The following CHD2 variants were observed in gnomAD, a reference collection of about 807,000 sequenced individuals.
CHD2 encodes ATP-dependent chromatin remodeler CHD2.
A neutral mutation model predicts 243.9 loss-of-function variants in CHD2; 28 were observed. That is an observed-to-expected ratio of 0.11 (90% CI 0.09 to 0.16). The LOEUF (loss-of-function observed/expected upper bound fraction) is 0.16, where lower values mean the gene tolerates loss of function less well. Among genes scored for constraint, CHD2 ranks in the 10% least tolerant of loss-of-function variants. The pLI, the probability that CHD2 is intolerant of heterozygous loss-of-function variation, is 1.00. For synonymous variants in CHD2, 775 were observed against 779.0 expected (o/e 0.99, Z 0.09); for missense variants, 1,386 against 2,209.8 (o/e 0.63, Z 7.47).
At chr15:92,916,701 G>A (rs1361371007) in intron 2 of CHD2, among the ~76,000 whole-genome samples, 1 of 152,044 alleles carries the variant, frequency 6.6e-6, no homozygotes, top group African/African-American at 2.4e-5. Flanking sequence ...CTACAGGCGC[G>A]TGCCACCACG....
intron 12 of CHD2, among the ~76,000 whole-genome samples, chr15:92,948,207 A>G (rs2053501395): frequency 6.6e-6 from 1 of 152,158 alleles, no homozygotes; most frequent in Non-Finnish European, 1.5e-5. Context: ...TCACGCAATT[A>G]AAGGGTTTAA....
At position 93,024,490 on chromosome 15, in the gene CHD2, C is replaced by T; in HGVS notation, c.5272C>T (p.Pro1758Ser). The stretch of plus-strand genomic sequence containing the variant: ...CGCTATGGGCTACCATGGCCAGGGA[C>T]CCTCAGACCATTACCGCTCTTTCCA... ...RPAMGYHGQG[P>S]SDHYRSFHTD... Residue 1758 changes from proline to serine, a missense_variant, in exon 39 of 39, where the codon CCC becomes TCC. Transcript: ENST00000394196. The T allele has an allele frequency of 6.2e-7, 1 of 1,614,172 alleles. No homozygotes were observed. The highest frequency in any genetic ancestry group is 8.5e-7 in the Non-Finnish European group (1 of 1,180,038).
chr15:93,019,523 C>T (rs1390919945), intron 37 of CHD2, among the ~76,000 whole-genome samples: 1 of 152,158 alleles, frequency 6.6e-6, no homozygotes, highest in Non-Finnish European at 1.5e-5. Context: ...AATTTAATGT[C>T]TGTTTGTAAC....
chr15:92,981,563 T>C, intron 24 of CHD2, 106 bp downstream of exon 24: 1 of 789,456 alleles, frequency 1.3e-6, no homozygotes, highest in Non-Finnish European at 2.1e-6. Context: ...TCTCTTTACC[T>C]GAATTGAGTC....
intron 2 of CHD2, among the ~76,000 whole-genome samples, chr15:92,912,169 G>A (rs554601103): frequency 2.3e-4 from 35 of 152,274 alleles, no homozygotes; most frequent in African/African-American, 7.7e-4. Flanking sequence ...TCGAAACTTA[G>A]TTCCCAGACA....
At chr15:92,955,824 G>A (rs1033759875) in intron 15 of CHD2, among the ~76,000 whole-genome samples, 2 of 152,196 alleles carry the variant, frequency 1.3e-5, no homozygotes, top group Non-Finnish European at 2.9e-5. Context: ...AAAGGGTATT[G>A]AATAGGTCAG....
intron 5 of CHD2, among the ~76,000 whole-genome samples, chr15:92,934,943 A>G (rs1383701654): frequency 6.6e-6 from 1 of 152,102 alleles, no homozygotes; most frequent in Non-Finnish European, 1.5e-5. Context: ...GATATGGCCA[A>G]GCAACTCATT....
intron 2 of CHD2, chr15:92,921,563 C>T (rs1285778304): frequency 6.6e-6 from 1 of 152,134 alleles, no homozygotes; most frequent in Non-Finnish European, 1.5e-5. Flanking sequence ...ACCTGTCTGT[C>T]CATGAACAAA....
intron 25 of CHD2, among the ~76,000 whole-genome samples, 169 bp downstream of exon 25, chr15:92,984,669 G>GC (rs1282344825): frequency 1.3e-5 from 2 of 152,232 alleles, no homozygotes; most frequent in Non-Finnish European, 2.9e-5. Context: ...AATCTGCAGA[G>GC]CTCCTGAGCA....
At chr15:92,914,177 G>A (rs1297296116) in intron 2 of CHD2, among the ~76,000 whole-genome samples, 2 of 152,220 alleles carry the variant, frequency 1.3e-5, no homozygotes, top group Non-Finnish European at 2.9e-5. Context: ...TCTGTCCTTA[G>A]GGCTTTAATG....
intron 25 of CHD2, among the ~76,000 whole-genome samples, chr15:92,985,158 T>C (rs1307224868): frequency 2.6e-5 from 4 of 152,200 alleles, no homozygotes; most frequent in African/African-American, 9.7e-5. Context: ...ATAGGTACTA[T>C]TGTCTTCATT....
At chr15:92,991,441 G>T (rs749862600) in intron 26 of CHD2, 35 bp from the exon 27 acceptor site, 1 of 1,522,862 alleles carries the variant, frequency 6.6e-7, no homozygotes, top group Non-Finnish European at 9.0e-7. Flanking sequence ...GTAAGTCTCT[G>T]TTTTTTTAAT....
chr15:92,921,040 GGGCA>G (rs2052945582), intron 2 of CHD2, among the ~76,000 whole-genome samples: 1 of 151,954 alleles, frequency 6.6e-6, no homozygotes, highest in Non-Finnish European at 1.5e-5. Flanking sequence ...AGAGCCAGCA[GGGCA>G]TGGTAATTGA....
chr15:92,987,812 G>T (rs2054063965), intron 26 of CHD2, among the ~76,000 whole-genome samples: 1 of 148,006 alleles, frequency 6.8e-6, no homozygotes. Context: ...TTTCCTTTGT[G>T]TTAAATATAT....
intron 2 of CHD2, among the ~76,000 whole-genome samples, chr15:92,904,207 C>G (rs1042826149): frequency 2.6e-5 from 4 of 152,230 alleles, no homozygotes; most frequent in African/African-American, 7.2e-5. Context: ...ATGGCTGTTC[C>G]TTTGTGCCGC....
rs1034535662 is a variant in CHD2 at position 92,946,087 on chromosome 15, A to G, written c.1248A>G (p.Lys416=). 6.8e-5 allele frequency: 110 copies of G among 1,610,944 alleles called. No homozygotes were observed. Among genetic ancestry groups the G allele is most frequent in the Non-Finnish European group, 9.2e-5 (108 of 1,178,182 alleles). Residue 416 remains lysine (K), a synonymous_variant, in exon 12 of 39, where the codon AAA becomes AAG. Coordinates refer to ENST00000394196, the MANE Select transcript of CHD2 (RefSeq NM_001271.4). ...APSNEPEYLC[K]WMGLPYSECS... ...CAAATGAGCCCGAATATCTATGTAA[A>G]TGGATGGGACTCCCCTATTCAGAGT...
At position 92,901,358 on chromosome 15, in the gene CHD2, T is replaced by G. The variant is rs2052526670; in HGVS notation, c.62+59T>G. 3 of 962,710 alleles carry G rather than the reference T, an allele frequency of 3.1e-6. No homozygotes were observed. In the Admixed American group the frequency reaches 6.1e-5, roughly 19 times the overall value. 59.6% of individuals were successfully genotyped at this position (962,710 alleles called of 1,614,324 possible). On this transcript the variant is annotated intron_variant, in intron 2 of 38. Coordinates refer to ENST00000394196, the MANE Select transcript of CHD2 (RefSeq NM_001271.4). ...TTTTTTTGGGGGAGAAACCTCAGCT[T>G]ACAATTGTTTACCTTGACAGACATG... is the stretch of plus-strand genomic sequence containing the variant.
Position 93,004,601 on chromosome 15 carries a change from A to G in CHD2, c.4279-16A>G. The G allele has an allele frequency of 3.1e-6, 5 of 1,606,762 alleles. No individual in the cohort carries two copies. The highest frequency in any genetic ancestry group is 4.3e-6 in the Non-Finnish European group (5 of 1,175,258). ...TGCACAAATGACAATGACTCCTTGTAACTCTTTTTTAAAAGCCTAAAAGTG... is the reference window on the plus strand; with the variant it reads ...TGCACAAATGACAATGACTCCTTGTGACTCTTTTTTAAAAGCCTAAAAGTG... On this transcript the variant is annotated splice_polypyrimidine_tract_variant and intron_variant, in intron 33 of 38. Transcript: ENST00000394196.
chr15:92,977,080 G>A (rs2053920336), intron 20 of CHD2, among the ~76,000 whole-genome samples: 5 of 152,088 alleles, frequency 3.3e-5, no homozygotes, highest in Admixed American at 2.6e-4. Flanking sequence ...GAGTGATATA[G>A]CAGATTGTTG....
Sources: gnomAD v4.1 joint callset for allele counts (sites outside exome capture counted in the v4.1 genomes callset) on GRCh38, gnomAD v4.1.1 for gene constraint, MANE v1.5 for transcripts, NCBI Gene and HGNC (gene_info 2026-07-23, HGNC 2026-07-21) for gene names.